The following RMC1 variants were observed in gnomAD, a reference collection of about 807,000 sequenced individuals.
RMC1 encodes the protein regulator of MON1-CCZ1.
A neutral mutation model predicts 95.5 loss-of-function variants in RMC1; 44 were observed. The observed-to-expected ratio is 0.46, with a 90% CI of 0.36 to 0.59. The LOEUF (loss-of-function observed/expected upper bound fraction) is 0.59, where lower values mean the gene tolerates loss of function less well. RMC1 is among the 20% of genes least tolerant of loss of function. RMC1 has a pLI of 0.00. For synonymous variants in RMC1, 320 were observed against 303.6 expected, an observed-to-expected ratio of 1.05 and a Z score of -0.56; for missense variants, 705 against 819.6, an observed-to-expected ratio of 0.86 and a Z score of 1.71.
Position 23,504,120 on chromosome 18 carries a change from G to A in RMC1, c.103-251G>A, listed in dbSNP as rs141500543. 4.3e-4 allele frequency among the ~76,000 whole-genome samples: 65 copies of A among 152,364 alleles called. 1 individual carries two copies. The highest frequency in any genetic ancestry group is 1.3e-3 in the African/African-American group (55 of 41,576). ...GTACTTCAGGCGTATCAGCGGCGCC[G>A]ATGCGCGAACCGGTGTTAGAACTTG... On this transcript the variant is annotated intron_variant, in intron 1 of 19. Transcript: ENST00000269221.
Position 23,531,650 on chromosome 18 carries a change from T to G in RMC1, c.1920T>G (p.Ala640=). 6.2e-7 allele frequency: 1 copy of G among 1,613,566 alleles called. No homozygotes were observed. Among genetic ancestry groups the G allele is most frequent in the Non-Finnish European group, 8.5e-7 (1 of 1,179,924 alleles). The stretch of plus-strand genomic sequence containing the variant: ...GGGAACACTGTGAAGAACATGTTGC[T>G]TTTTTCAAACAGATTTTTGGAGACC... ...TPGEHCEEHV[A]FFKQIFGDQA... The change falls in exon 20 of 20, where the codon GCT becomes GCG. Residue 640 remains alanine (A), a synonymous_variant. Coordinates refer to ENST00000269221, the MANE Select transcript of RMC1 (RefSeq NM_013326.5).
Position 23,509,177 on chromosome 18 carries a change from A to G in RMC1, c.322-16A>G, listed in dbSNP as rs952662774. ...TTTCTTATTAATTAAAAATATTTTTAAAAAATTTTTCTTAGACTAAGAATG... is the reference window on the plus strand; with the variant it reads ...TTTCTTATTAATTAAAAATATTTTTGAAAAATTTTTCTTAGACTAAGAATG... On this transcript the variant is annotated splice_polypyrimidine_tract_variant and intron_variant, in intron 4 of 19. Coordinates refer to ENST00000269221, the MANE Select transcript of RMC1 (RefSeq NM_013326.5). 2.5e-6 allele frequency: 3 copies of G among 1,211,418 alleles called. No homozygotes were observed. Among genetic ancestry groups the G allele is most frequent in the Non-Finnish European group, 3.3e-6 (3 of 914,676 alleles). The allele number at this position is 1,211,418 out of a possible 1,614,324, so 75.0% of individuals were successfully genotyped here.
Position 23,515,984 on chromosome 18 carries a change from TTTTCAC to T in RMC1, c.541_546del (p.His181_Phe182del). The T allele has an allele frequency of 6.2e-7, 1 of 1,614,050 alleles. No homozygotes were observed. The highest frequency in any genetic ancestry group is 8.5e-7 in the Non-Finnish European group (1 of 1,179,992). On this transcript the variant is annotated inframe_deletion, in exon 6 of 20. Coordinates refer to ENST00000269221, the MANE Select transcript of RMC1 (RefSeq NM_013326.5). ...CGGTCCTGGAGAATGTCCTGCAGCC[TTTTCAC>T]TTTAGGGTAAGAGGAAGCCTCCCCT...
At chr18:23,529,598 CGTT>C (rs773911694) in intron 15 of RMC1, 34 bp from the exon 16 acceptor site, 2 of 1,553,914 alleles carry the variant, frequency 1.3e-6, no homozygotes, top group African/African-American at 2.7e-5. Flanking sequence ...TTTTGCACCT[CGTT>C]GGTATTTGTA....
intron 19 of RMC1, among the ~76,000 whole-genome samples, chr18:23,530,815 C>T (rs573331756): frequency 1.3e-5 from 2 of 152,104 alleles, no homozygotes; most frequent in East Asian, 1.9e-4. Context: ...TGGAACTCAC[C>T]GAGGAGGTGT....
Position 23,520,187 on chromosome 18 carries a change from C to T in RMC1, c.850-15C>T, listed in dbSNP as rs1555627114. The T allele has an allele frequency of 2.5e-6, 4 of 1,606,428 alleles. No individual in the cohort carries two copies. Among genetic ancestry groups the T allele is most frequent in the Admixed American group, 1.7e-5 (1 of 59,960 alleles). ...TGATTGATTTTGGCCTCAGTCTTGT[C>T]TTTTTCCCCCCCAGACATCGGTAAT... On this transcript the variant is annotated splice_polypyrimidine_tract_variant and intron_variant, in intron 9 of 19. Transcript: ENST00000269221.
rs1033789442 is a variant in RMC1, at chr18:23,504,621, T to G, written c.179+174T>G. On this transcript the variant is annotated intron_variant, in intron 2 of 19. Coordinates refer to ENST00000269221, the MANE Select transcript of RMC1 (RefSeq NM_013326.5). ...GGTCTTCGTGGCACTTACTAGCACCTCTTGTCAGAGTGGAATATCTGGAGC... is the reference window on the plus strand; with the variant it reads ...GGTCTTCGTGGCACTTACTAGCACCGCTTGTCAGAGTGGAATATCTGGAGC... 1.1e-5 allele frequency: 6 copies of G among 554,542 alleles called. No individual in the cohort carries two copies. In the Admixed American group the frequency reaches 1.5e-4, roughly 14 times the overall value. 34.4% of individuals were successfully genotyped at this position (554,542 alleles called of 1,614,324 possible).
intron 14 of RMC1, 50 bp from the exon 15 acceptor site, chr18:23,529,129 C>G (rs746061366): frequency 6.3e-7 from 1 of 1,589,626 alleles, no homozygotes; most frequent in South Asian, 1.1e-5. Context: ...GTAAACAGCA[C>G]CCTTCCTCTA....
At chr18:23,524,046 A>G (rs1195865532) in intron 10 of RMC1, 84 bp from the exon 11 acceptor site, 2 of 1,376,072 alleles carry the variant, frequency 1.5e-6, no homozygotes, top group African/African-American at 1.4e-5. Flanking sequence ...TGACATTAAA[A>G]AGTATTGACT....
chr18:23,509,942 G>A (rs2057807165), intron 5 of RMC1, among the ~76,000 whole-genome samples: 1 of 149,436 alleles, frequency 6.7e-6, no homozygotes, highest in Admixed American at 6.7e-5. Context: ...CTCAACTCCT[G>A]CCTTGGCCAC....
intron 15 of RMC1, 32 bp from the exon 16 acceptor site, chr18:23,529,603 G>T (rs759845424): frequency 6.3e-7 from 1 of 1,578,076 alleles, no homozygotes; most frequent in South Asian, 1.1e-5. Context: ...CACCTCGTTG[G>T]TATTTGTAAG....
At chr18:23,524,891 C>T (rs995679004) in intron 12 of RMC1, among the ~76,000 whole-genome samples, 14 of 151,128 alleles carry the variant, frequency 9.3e-5, no homozygotes, top group African/African-American at 3.4e-4. Flanking sequence ...GAGGAAGCCT[C>T]CTCAGTCTGT....
intron 2 of RMC1, among the ~76,000 whole-genome samples, chr18:23,505,895 G>A (rs967458441): frequency 6.6e-6 from 1 of 152,058 alleles, no homozygotes; most frequent in Admixed American, 6.6e-5. Context: ...GACTGGGCGC[G>A]GTGGCTCATG....
rs574534457 is a variant in RMC1, at chr18:23,510,196, C to T, written c.408+917C>T. ...AATGTTAGTCAGGCATGGTGGTGTGCGCCTGTAGTCCCAGCTACTTGGGAG... is the reference window on the plus strand; with the variant it reads ...AATGTTAGTCAGGCATGGTGGTGTGTGCCTGTAGTCCCAGCTACTTGGGAG... On this transcript the variant is annotated intron_variant, in intron 5 of 19. Coordinates refer to ENST00000269221, the MANE Select transcript of RMC1 (RefSeq NM_013326.5). Among the ~76,000 whole-genome samples, 89 of 151,484 alleles carry T rather than the reference C, an allele frequency of 5.9e-4. 1 individual carries two copies. The South Asian group carries it at 0.017, about 29-fold the overall frequency.
intron 16 of RMC1, 146 bp from the exon 17 acceptor site, chr18:23,529,882 G>A: frequency 9.7e-7 from 1 of 1,034,242 alleles, no homozygotes; most frequent in East Asian, 2.4e-5. Flanking sequence ...AGGTCAAGTT[G>A]GGGTCTTTAC....
chr18:23,523,526 C>T (rs2058199272), intron 10 of RMC1, among the ~76,000 whole-genome samples: 1 of 100,372 alleles, frequency 1.0e-5, no homozygotes, highest in South Asian at 3.4e-4. Flanking sequence ...GCCTAGGTAA[C>T]ATAGACCTTG....
chr18:23,509,203 C>G lies in RMC1; in HGVS notation c.332C>G (p.Ala111Gly), dbSNP rs1316372067. 7.2e-7 allele frequency: 1 copy of G among 1,396,968 alleles called. No individual in the cohort carries two copies. Among genetic ancestry groups the G allele is most frequent in the Admixed American group, 2.7e-5 (1 of 36,776 alleles). 86.5% of individuals were successfully genotyped at this position (1,396,968 alleles called of 1,614,324 possible). Residue 111 changes from alanine (A) to glycine (G), a missense_variant, in exon 5 of 20, where the codon GCC becomes GGC. Physicochemically the swap from Ala to Gly is moderately conservative, Grantham distance 60. Coordinates refer to ENST00000269221, the MANE Select transcript of RMC1 (RefSeq NM_013326.5). ...AAAAATTTTTCTTAGACTAAGAATG[C>G]CAACATTCTAGGATTCTGCTGGACT... is the stretch of plus-strand genomic sequence containing the variant. ...EYTQECKTKNANILGFCWTSS... is the reference protein window; with the variant it reads ...EYTQECKTKNGNILGFCWTSS...
chr18:23,506,391 A>T (rs1314297045), intron 2 of RMC1: 1 of 151,766 alleles, frequency 6.6e-6, no homozygotes, highest in Non-Finnish European at 1.5e-5. Flanking sequence ...TGAATTTTTA[A>T]TTTAAAAAAT....
chr18:23,517,416 G>A (rs1393686837), intron 7 of RMC1, among the ~76,000 whole-genome samples: 1 of 152,122 alleles, frequency 6.6e-6, no homozygotes, highest in African/African-American at 2.4e-5. Flanking sequence ...CCAAAGTGTT[G>A]GGATTACAGG....
Sources: gnomAD v4.1 joint callset for allele counts (sites outside exome capture counted in the v4.1 genomes callset) on GRCh38, gnomAD v4.1.1 for gene constraint, MANE v1.5 for transcripts, NCBI Gene and HGNC (gene_info 2026-07-23, HGNC 2026-07-21) for gene names.